Variants in ZFYVE9 observed in about 807,000 individuals in gnomAD.
ZFYVE9 encodes the protein zinc finger FYVE-type containing 9, also known as zinc finger FYVE domain-containing protein 9.
ZFYVE9 carries 43 observed loss-of-function variants against 126.7 expected under a neutral mutation model. The ratio of observed to expected loss-of-function variants is 0.34; its 90% CI spans 0.27 to 0.44. The LOEUF (loss-of-function observed/expected upper bound fraction) is 0.44. Ranked by LOEUF, ZFYVE9 falls within the 20% of genes least tolerant of loss-of-function variation. The pLI is 1.00. For synonymous variants in ZFYVE9, 521 were observed against 597.4 expected, an observed-to-expected ratio of 0.87 and a Z score of 1.87; for missense variants, 1,476 against 1,697.0, an observed-to-expected ratio of 0.87 and a Z score of 2.29.
At chr1:52,317,871 G>T (rs1410286991) in intron 13 of ZFYVE9, among the ~76,000 whole-genome samples, 1 of 152,086 alleles carries the variant, frequency 6.6e-6, no homozygotes, top group Non-Finnish European at 1.5e-5. Flanking sequence ...AGATTAAATA[G>T]ATAACCTAAA....
rs1572073682 is a variant in ZFYVE9 at position 52,174,105 on chromosome 1, A to G, written c.-143+31702A>G. Among the ~76,000 whole-genome samples, 6 of 152,066 alleles carry G rather than the reference A, an allele frequency of 3.9e-5. No homozygotes were observed. The East Asian group carries it at 9.7e-4, about 24-fold the overall frequency. Reference sequence around the variant, plus strand: ...TTTTAATTGTGATGTTAGGGTGTCAATTTTGGATCTTTCCTGCTTTGTCTT... The same window carrying G: ...TTTTAATTGTGATGTTAGGGTGTCAGTTTTGGATCTTTCCTGCTTTGTCTT... On this transcript the variant is annotated intron_variant, in intron 1 of 18. Coordinates refer to ENST00000287727, the MANE Select transcript of ZFYVE9 (RefSeq NM_004799.4).
intron 4 of ZFYVE9, among the ~76,000 whole-genome samples, chr1:52,243,786 G>A (rs937292516): frequency 1.3e-5 from 2 of 151,834 alleles, no homozygotes; most frequent in African/African-American, 4.8e-5. Context: ...ATGCTGATGA[G>A]GAAGTTAAGG....
At chr1:52,337,296 A>T (rs1029733098) in intron 15 of ZFYVE9, among the ~76,000 whole-genome samples, 1 of 152,152 alleles carries the variant, frequency 6.6e-6, no homozygotes, top group Admixed American at 6.5e-5. Context: ...GGTTTGCCTT[A>T]TTTGCTAGTC....
intron 1 of ZFYVE9, among the ~76,000 whole-genome samples, chr1:52,148,240 T>C (rs1334479680): frequency 6.6e-6 from 1 of 151,986 alleles, no homozygotes; most frequent in Non-Finnish European, 1.5e-5. Flanking sequence ...TTTGGGAGGC[T>C]GAGGTGGGCC....
At chr1:52,219,582 C>T (rs560336167) in intron 2 of ZFYVE9, among the ~76,000 whole-genome samples, 152 of 151,562 alleles carry the variant, frequency 1.0e-3, no homozygotes, top group African/African-American at 3.1e-3. Flanking sequence ...ATTGGGAATT[C>T]GAGGGGTGGA....
intron 1 of ZFYVE9, among the ~76,000 whole-genome samples, chr1:52,173,189 T>G (rs572508064): frequency 6.6e-6 from 1 of 152,320 alleles, no homozygotes; most frequent in African/African-American, 2.4e-5. Context: ...AATACCTAAT[T>G]TATTGAGAGT....
intron 13 of ZFYVE9, among the ~76,000 whole-genome samples, chr1:52,324,863 A>G (rs772442045): frequency 2.0e-5 from 3 of 152,218 alleles, no homozygotes; most frequent in Non-Finnish European, 2.9e-5. Context: ...GGCCGGGTAC[A>G]GTGGCTCACG....
rs1644843342 is a variant in ZFYVE9, at chr1:52,194,484, GATATAA to G, written c.-142-21881_-142-21876del. On this transcript the variant is annotated intron_variant, in intron 1 of 18. Transcript: ENST00000287727. The stretch of plus-strand genomic sequence containing the variant: ...CAGAAAGGCCAATAAACATATGAAA[GATATAA>G]ATAGATGTTTAGCTTTTATTCATAA... Among the ~76,000 whole-genome samples, 5 of 151,678 alleles carry G rather than the reference GATATAA, an allele frequency of 3.3e-5. No individual in the cohort carries two copies. The South Asian group carries it at 1.0e-3, about 32-fold the overall frequency.
chr1:52,333,966 G>A (rs979707761), intron 14 of ZFYVE9, among the ~76,000 whole-genome samples: 4 of 152,064 alleles, frequency 2.6e-5, no homozygotes, highest in Admixed American at 6.6e-5. Flanking sequence ...GCTGGCACAT[G>A]CCTGTAGTCC....
intron 1 of ZFYVE9, among the ~76,000 whole-genome samples, chr1:52,205,536 T>A (rs1644970562): frequency 1.1e-5 from 1 of 89,820 alleles, no homozygotes; most frequent in Non-Finnish European, 1.8e-5. Flanking sequence ...GCTAATTAAA[T>A]TTTTTTTTTT....
intron 1 of ZFYVE9, among the ~76,000 whole-genome samples, chr1:52,161,452 G>A (rs1644458942): frequency 6.6e-6 from 1 of 152,086 alleles, no homozygotes; most frequent in Non-Finnish European, 1.5e-5. Context: ...ACCACGCCCA[G>A]CTAATTTTTT....
At chr1:52,210,978 C>A (rs530130958) in intron 1 of ZFYVE9, among the ~76,000 whole-genome samples, 1 of 152,218 alleles carries the variant, frequency 6.6e-6, no homozygotes, top group East Asian at 1.9e-4. Context: ...TTAGGGTTTT[C>A]ATGCAGTTGT....
chr1:52,301,747 A>AT (rs1173470571), intron 12 of ZFYVE9, among the ~76,000 whole-genome samples: 2 of 152,140 alleles, frequency 1.3e-5, no homozygotes, highest in East Asian at 1.9e-4. Flanking sequence ...TTCATCTGAT[A>AT]TTTTTTCTGT....
chr1:52,142,653 G>C lies in ZFYVE9; in HGVS notation c.-143+250G>C, dbSNP rs1322625588. On this transcript the variant is annotated intron_variant, in intron 1 of 18. Coordinates refer to ENST00000287727, the MANE Select transcript of ZFYVE9 (RefSeq NM_004799.4). This position sits in a 1 kb window ranked among gnomAD's most constrained non-coding sequence, Gnocchi z 4.5. ...CGGTTCCGGCGCGGCCGGGTGTGTGGAGCTGGGGGCCGGCAGGAGCACGGC... is the reference window on the plus strand; with the variant it reads ...CGGTTCCGGCGCGGCCGGGTGTGTGCAGCTGGGGGCCGGCAGGAGCACGGC... 2.0e-5 allele frequency among the ~76,000 whole-genome samples: 3 copies of C among 152,176 alleles called. No individual in the cohort carries two copies. The highest frequency in any genetic ancestry group is 6.5e-5 in the Admixed American group (1 of 15,294).
At position 52,268,538 on chromosome 1, in the gene ZFYVE9, C is replaced by T; in HGVS notation, c.2531C>T (p.Ala844Val). The change falls in exon 7 of 19, where the codon GCC becomes GTC. Residue 844 changes from alanine to valine, a missense_variant. Ala to Val is a moderately conservative substitution (Grantham distance 64, BLOSUM62 0). This residue lies in a region of ZFYVE9 where 669 missense variants were observed against 902.4 expected (regional missense o/e 0.74). Coordinates refer to ENST00000287727, the MANE Select transcript of ZFYVE9 (RefSeq NM_004799.4). ...ILPNGEVADAAKLTMNGTSSA... is the reference protein window; with the variant it reads ...ILPNGEVADAVKLTMNGTSSA... Reference sequence around the variant, plus strand: ...CCCAATGGAGAAGTTGCTGATGCAGCCAAATTAACAATGAATGGAACTTCC... The same window carrying T: ...CCCAATGGAGAAGTTGCTGATGCAGTCAAATTAACAATGAATGGAACTTCC... 1.2e-6 allele frequency: 2 copies of T among 1,614,112 alleles called. No homozygotes were observed. The highest frequency in any genetic ancestry group is 1.7e-4 in the Middle Eastern group (1 of 6,058).
chr1:52,149,216 T>G (rs1215889677), intron 1 of ZFYVE9, among the ~76,000 whole-genome samples: 3 of 151,908 alleles, frequency 2.0e-5, no homozygotes, highest in Non-Finnish European at 4.4e-5. Context: ...AAACTTGCAC[T>G]TTGTTTACTC....
chr1:52,227,906 C>T (rs1645184449), intron 2 of ZFYVE9, among the ~76,000 whole-genome samples: 1 of 152,120 alleles, frequency 6.6e-6, no homozygotes, highest in African/African-American at 2.4e-5. Context: ...TCTTATTCTT[C>T]CTGCTACCTT....
chr1:52,202,126 A>G (rs1295140272), intron 1 of ZFYVE9, among the ~76,000 whole-genome samples: 1 of 152,118 alleles, frequency 6.6e-6, no homozygotes, highest in African/African-American at 2.4e-5. Context: ...TTGAAGGACA[A>G]TTTTATAGGG....
intron 1 of ZFYVE9, among the ~76,000 whole-genome samples, chr1:52,176,719 G>A (rs574991685): frequency 1.9e-3 from 286 of 152,286 alleles, no homozygotes; most frequent in Non-Finnish European, 3.4e-3. Context: ...CCCCAGCCTC[G>A]CTGCCGCCTT....
Sources: gnomAD v4.1 joint callset for allele counts (sites outside exome capture counted in the v4.1 genomes callset) on GRCh38, gnomAD v4.1.1 for gene constraint, gnomAD v4.1.1 regional missense constraint, Gnocchi (gnomAD v3.1) non-coding constraint, MANE v1.5 for transcripts, NCBI Gene and HGNC (gene_info 2026-07-23, HGNC 2026-07-21) for gene names.